The following NRAP variants were observed in gnomAD, a reference collection of about 807,000 sequenced individuals.
The protein encoded by NRAP is nebulin-related-anchoring protein.
Under a neutral mutation model 225.9 loss-of-function variants are expected in NRAP, and 189 were observed. The observed-to-expected ratio is 0.84, with a 90% CI of 0.74 to 0.94. The LOEUF (loss-of-function observed/expected upper bound fraction) is 0.94. NRAP is among the 40% of genes least tolerant of loss of function. The pLI, the probability that NRAP is intolerant of heterozygous loss-of-function variation, is 0.00. For missense variants in NRAP, 2,176 were observed against 2,168.7 expected (o/e 1.00, Z -0.07); for synonymous variants, 769 against 790.7 (o/e 0.97, Z 0.46).
chr10:113,601,755 T>C (rs886736512), intron 35 of NRAP, among the ~76,000 whole-genome samples: 8 of 152,246 alleles, frequency 5.3e-5, no homozygotes, highest in Non-Finnish European at 1.0e-4. Flanking sequence ...TGTTTGTTTT[T>C]TTCCTTCTTC....
At chr10:113,590,164 T>TAAGA (rs924683754) in intron 40 of NRAP, among the ~76,000 whole-genome samples, 2 of 152,184 alleles carry the variant, frequency 1.3e-5, no homozygotes, top group Non-Finnish European at 2.9e-5. Context: ...GGTTAATAGC[T>TAAGA]AAGATCCCTT....
At chr10:113,653,970 T>C in intron 5 of NRAP, 51 bp downstream of exon 5, 1 of 1,061,198 alleles carries the variant, frequency 9.4e-7, no homozygotes, top group South Asian at 1.2e-5. Context: ...GTCAAACTAA[T>C]TGCTAAGTAA....
intron 19 of NRAP, among the ~76,000 whole-genome samples, 178 bp from the exon 20 acceptor site, chr10:113,629,199 A>C (rs112253895): frequency 2.6e-5 from 4 of 152,214 alleles, no homozygotes; most frequent in African/African-American, 7.2e-5. Context: ...CCCACCTTGT[A>C]ACAAGAGTAG....
At chr10:113,591,028 CCTAT>C in intron 39 of NRAP, 139 bp from the exon 40 acceptor site, 2 of 674,372 alleles carry the variant, frequency 3.0e-6, no homozygotes, top group Non-Finnish European at 5.0e-6. Context: ...TTCAAATAGA[CCTAT>C]CTGTGTGGTC....
chr10:113,598,068 G>T lies in NRAP; in HGVS notation c.4233C>A (p.Arg1411=). ...KKAHALQSEL[R]YKSDLIGMKG... ...TCATGCCGATCAGGTCTGACTTGTA[G>T]CGCAACTGCAGGGAAAAAAATCATG... Residue 1411 remains arginine (R), a synonymous_variant, in exon 36 of 42, where the codon CGC becomes CGA. Coordinates refer to ENST00000359988, the MANE Select transcript of NRAP (RefSeq NM_198060.4). 6.2e-7 allele frequency: 1 copy of T among 1,611,154 alleles called. No individual in the cohort carries two copies. The highest frequency in any genetic ancestry group is 1.1e-5 in the South Asian group (1 of 90,960).
rs1206190069 is a variant in NRAP, at chr10:113,590,561, G to A, written c.4956+17C>T. 1.2e-6 allele frequency: 2 copies of A among 1,602,992 alleles called. No individual in the cohort carries two copies. The highest frequency in any genetic ancestry group is 1.1e-5 in the South Asian group (1 of 90,938). On this transcript the variant is annotated intron_variant, in intron 40 of 41. Coordinates refer to ENST00000359988, the MANE Select transcript of NRAP (RefSeq NM_198060.4). Reference sequence around the variant, plus strand: ...ACCAGGGGAAGGGCCTCAAGGGAGTGGGTGGAGGTGGCTCACATCACTCTG... The same window carrying A: ...ACCAGGGGAAGGGCCTCAAGGGAGTAGGTGGAGGTGGCTCACATCACTCTG...
chr10:113,662,219 G>A (rs1044691700), intron 3 of NRAP, among the ~76,000 whole-genome samples: 1 of 152,142 alleles, frequency 6.6e-6, no homozygotes, highest in African/African-American at 2.4e-5. Context: ...CTTAACATGT[G>A]CCTAGCATTG....
chr10:113,603,964 C>T (rs1050251629), intron 35 of NRAP, among the ~76,000 whole-genome samples: 1 of 152,190 alleles, frequency 6.6e-6, no homozygotes, highest in African/African-American at 2.4e-5. Context: ...GCATGTACAA[C>T]CATTGACATA....
Position 113,621,852 on chromosome 10 carries a change from A to C in NRAP, c.2769+17T>G. 2 of 1,592,750 alleles carry C rather than the reference A, an allele frequency of 1.3e-6. No homozygotes were observed. Among genetic ancestry groups the C allele is most frequent in the African/African-American group, 1.3e-5 (1 of 74,780 alleles). On this transcript the variant is annotated intron_variant, in intron 24 of 41. Coordinates refer to ENST00000359988, the MANE Select transcript of NRAP (RefSeq NM_198060.4). Reference sequence around the variant, plus strand: ...CACACATACACACACAAGTGCACACACTCACACAGAGCTTACATCACTCTG... The same window carrying C: ...CACACATACACACACAAGTGCACACCCTCACACAGAGCTTACATCACTCTG...
intron 15 of NRAP, 93 bp downstream of exon 15, chr10:113,634,019 T>TG: frequency 1.2e-6 from 1 of 803,196 alleles, no homozygotes; most frequent in Non-Finnish European, 2.1e-6. Flanking sequence ...TCACAATTTA[T>TG]GAAAGTCAAA....
At chr10:113,645,495 G>A (rs7076328) in intron 11 of NRAP, among the ~76,000 whole-genome samples, 1,746 of 152,178 alleles carry the variant, frequency 0.011, 32 homozygotes, top group African/African-American at 0.04. Flanking sequence ...TCGGCTCACC[G>A]CGACCTCCGC....
rs772586754 is a variant in NRAP, at chr10:113,604,769, T to G, written c.4067A>C (p.Gln1356Pro). ...CACCATGTCCATGGGCAGATGGAACTGGGCTTGGCTGCTGGTCGCCCCCCT... is the reference window on the plus strand; with the variant it reads ...CACCATGTCCATGGGCAGATGGAACGGGGCTTGGCTGCTGGTCGCCCCCCT... Reference protein sequence around the residue: ...YRRGATSSQAQFHLPMDMVHL... With the variant: ...YRRGATSSQAPFHLPMDMVHL... Residue 1356 changes from glutamine to proline, a missense_variant, in exon 35 of 42, where the codon CAG (glutamine) becomes CCG (proline). Transcript: ENST00000359988. 2.8e-5 allele frequency: 45 copies of G among 1,614,084 alleles called. No homozygotes were observed. Among genetic ancestry groups the G allele is most frequent in the Non-Finnish European group, 3.8e-5 (45 of 1,180,040 alleles).
intron 6 of NRAP, among the ~76,000 whole-genome samples, chr10:113,652,279 G>T (rs1850024834): frequency 6.6e-6 from 1 of 152,138 alleles, no homozygotes; most frequent in South Asian, 2.1e-4. Flanking sequence ...CAACATTCTG[G>T]CTCCAAAATC....
At position 113,657,572 on chromosome 10, in the gene NRAP, G is replaced by A. The variant is rs150022336; in HGVS notation, c.258C>T (p.Ile86=). The change falls in exon 4 of 42, where the codon ATC becomes ATT. Residue 86 remains isoleucine, a splice_region_variant and synonymous_variant. Transcript: ENST00000359988. ...VRTFPEAISG[I]HDQEDGEQCK... ...ACTGTTCACCATCTTCTTGGTCATGGATCTGCTCAAGGAAGATGTTGTCAG... is the reference window on the plus strand; with the variant it reads ...ACTGTTCACCATCTTCTTGGTCATGAATCTGCTCAAGGAAGATGTTGTCAG... The A allele has an allele frequency of 6.6e-7, 1 of 1,515,480 alleles. No homozygotes were observed. Among genetic ancestry groups the A allele is most frequent in the Admixed American group, 1.7e-5 (1 of 59,798 alleles). 93.9% of individuals were successfully genotyped at this position (1,515,480 alleles called of 1,614,324 possible).
At chr10:113,592,444 T>C (rs957148476) in intron 38 of NRAP, 143 bp from the exon 39 acceptor site, 24 of 502,524 alleles carry the variant, frequency 4.8e-5, no homozygotes, top group Non-Finnish European at 7.0e-5. Flanking sequence ...CCTTGGCGAC[T>C]CCCTAGCACT....
chr10:113,614,951 C>T lies in NRAP; in HGVS notation c.3079-5G>A, dbSNP rs200956761. 80 of 1,551,386 alleles carry T rather than the reference C, an allele frequency of 5.2e-5. No homozygotes were observed. The African/African-American group carries it at 8.5e-4, about 17-fold the overall frequency. On this transcript the variant is annotated splice_region_variant and splice_polypyrimidine_tract_variant and intron_variant, in intron 27 of 41. Transcript: ENST00000359988. ...CCAGGATTCCTTATAACGCGTCTGT[C>T]GGGAAGATGTGCACAAGGAAAGACC...
rs1221725163 is a variant in NRAP at position 113,654,011 on chromosome 10, G to A, written c.465+10C>T. 4 of 1,556,472 alleles carry A rather than the reference G, an allele frequency of 2.6e-6. 1 individual carries two copies. Among genetic ancestry groups the A allele is most frequent in the East Asian group, 2.2e-5 (1 of 44,598 alleles). On this transcript the variant is annotated intron_variant, in intron 5 of 41. Transcript: ENST00000359988. ...AAACCAATTCCTAAAGCAATTTCTAGGGTGCTTACCTCACCAAGAGACTTT... is the reference window on the plus strand; with the variant it reads ...AAACCAATTCCTAAAGCAATTTCTAAGGTGCTTACCTCACCAAGAGACTTT...
chr10:113,660,589 G>A (rs1229754745), intron 3 of NRAP, among the ~76,000 whole-genome samples: 2 of 152,164 alleles, frequency 1.3e-5, no homozygotes, highest in African/African-American at 4.8e-5. Flanking sequence ...TGTGTGACCT[G>A]TTGTGTGATT....
intron 35 of NRAP, among the ~76,000 whole-genome samples, chr10:113,602,427 G>A (rs542778216): frequency 1.3e-3 from 199 of 152,296 alleles, no homozygotes; most frequent in African/African-American, 4.5e-3. Context: ...GCTATGAGCT[G>A]TTTTGGGGGC....
Sources: allele counts gnomAD v4.1 joint callset (sites outside exome capture counted in the v4.1 genomes callset), GRCh38; gene constraint gnomAD v4.1.1; transcripts MANE v1.5; gene names NCBI Gene and HGNC (gene_info 2026-07-23, HGNC 2026-07-21).